Variants in PCDH15 observed in about 807,000 individuals in gnomAD.
PCDH15 encodes the protein protocadherin-15.
Under a neutral mutation model 178.5 loss-of-function variants are expected in PCDH15, and 129 were observed. The ratio of observed to expected loss-of-function variants is 0.72; its 90% CI spans 0.63 to 0.84. The LOEUF (loss-of-function observed/expected upper bound fraction) is 0.84, where lower values mean the gene tolerates loss of function less well. Ranked by LOEUF, PCDH15 falls within the 40% of genes least tolerant of loss-of-function variation. PCDH15 has a pLI of 0.00. For synonymous variants in PCDH15, 800 were observed against 732.0 expected (o/e 1.09, Z -1.50); for missense variants, 2,230 against 2,099.9 (o/e 1.06, Z -1.21).
intron 3 of PCDH15, among the ~76,000 whole-genome samples, chr10:54,880,069 T>G (rs1008372614): frequency 6.6e-6 from 1 of 152,152 alleles, no homozygotes; most frequent in Non-Finnish European, 1.5e-5. Flanking sequence ...ATTAAAATCC[T>G]GATTCAATAT....
At chr10:54,475,202 A>G (rs539073320) in intron 3 of PCDH15, among the ~76,000 whole-genome samples, 1 of 152,088 alleles carries the variant, frequency 6.6e-6, no homozygotes, top group East Asian at 1.9e-4. Flanking sequence ...TATTGATTTG[A>G]CTTATTTAAC....
chr10:55,015,621 A>G (rs1840155667), intron 2 of PCDH15, among the ~76,000 whole-genome samples: 1 of 152,128 alleles, frequency 6.6e-6, no homozygotes, highest in Non-Finnish European at 1.5e-5. Context: ...GGAAAACAGA[A>G]AATCCACTAA....
chr10:54,894,739 T>C (rs1370310861), intron 3 of PCDH15, among the ~76,000 whole-genome samples: 2 of 151,182 alleles, frequency 1.3e-5, no homozygotes, highest in African/African-American at 4.9e-5. Flanking sequence ...TTATAGAGCA[T>C]TACAAAAATA....
intron 2 of PCDH15, among the ~76,000 whole-genome samples, chr10:55,605,673 A>C (rs2132151991): frequency 1.5e-5 from 2 of 136,284 alleles, no homozygotes; most frequent in Non-Finnish European, 3.1e-5. Context: ...AGATGCAGAA[A>C]AGGCCTTTGA....
At position 54,256,389 on chromosome 10, in the gene PCDH15, T is replaced by C. The variant is rs1397254911; in HGVS notation, c.877-19458A>G. On this transcript the variant is annotated intron_variant, in intron 8 of 37. Coordinates refer to ENST00000644397, the MANE Select transcript of PCDH15 (RefSeq NM_001384140.1). ...AAATATTTGAGATAGGTTGTCCTAA[T>C]TAATTAACCAACAAACACTTATTGA... 3.9e-5 allele frequency among the ~76,000 whole-genome samples: 6 copies of C among 152,362 alleles called. No homozygotes were observed. The South Asian group carries it at 1.0e-3, about 26-fold the overall frequency.
At chr10:54,583,983 C>T (rs554260606) in intron 2 of PCDH15, among the ~76,000 whole-genome samples, 3 of 152,126 alleles carry the variant, frequency 2.0e-5, no homozygotes, top group Admixed American at 2.0e-4. Flanking sequence ...ACCATGTTTT[C>T]TTTTATTTAG....
intron 2 of PCDH15, among the ~76,000 whole-genome samples, chr10:54,613,443 C>T (rs1004494895): frequency 6.6e-6 from 1 of 151,700 alleles, no homozygotes. Context: ...TGTTCCATCA[C>T]AATTTCAAGA....
At chr10:54,244,987 C>A (rs1258609152) in intron 8 of PCDH15, among the ~76,000 whole-genome samples, 1 of 152,146 alleles carries the variant, frequency 6.6e-6, no homozygotes, top group South Asian at 2.1e-4. Context: ...CTCATCAGGT[C>A]AGGAGACGAC....
chr10:55,593,691 A>C (rs1476344804), intron 2 of PCDH15, among the ~76,000 whole-genome samples: 1 of 151,872 alleles, frequency 6.6e-6, no homozygotes, highest in Non-Finnish European at 1.5e-5. Context: ...TCAACCATTG[A>C]AAGAGCCATT....
intron 6 of PCDH15, among the ~76,000 whole-genome samples, chr10:54,341,403 A>T (rs985305539): frequency 2.0e-5 from 3 of 152,028 alleles, no homozygotes; most frequent in Non-Finnish European, 4.4e-5. Context: ...AAGATACACC[A>T]TGCTTCTCCT....
chr10:54,972,614 C>T (rs1255003930), intron 2 of PCDH15, among the ~76,000 whole-genome samples: 1 of 151,738 alleles, frequency 6.6e-6, no homozygotes, highest in African/African-American at 2.4e-5. Flanking sequence ...TTTTGGGAGG[C>T]CAAGGCAGGC....
intron 1 of PCDH15, among the ~76,000 whole-genome samples, chr10:54,711,231 C>A (rs181207819): frequency 6.6e-6 from 1 of 151,906 alleles, no homozygotes. Context: ...TATCATTTAA[C>A]GTTTCAAACA....
intron 25 of PCDH15, among the ~76,000 whole-genome samples, chr10:53,930,300 T>TA (rs1554865792): frequency 6.7e-6 from 1 of 150,248 alleles, no homozygotes; most frequent in African/African-American, 2.4e-5. Context: ...CTACTACAAA[T>TA]AAAAAAAATT....
intron 8 of PCDH15, among the ~76,000 whole-genome samples, chr10:54,239,019 G>T (rs1208788401): frequency 2.6e-5 from 4 of 151,878 alleles, no homozygotes; most frequent in African/African-American, 4.8e-5. Context: ...GCATCTCATA[G>T]TCAGAAAAAT....
intron 2 of PCDH15, among the ~76,000 whole-genome samples, chr10:54,584,414 G>A (rs965218182): frequency 1.3e-5 from 2 of 151,888 alleles, no homozygotes; most frequent in African/African-American, 4.8e-5. Context: ...TAAAGGAACT[G>A]TATTTGCTTC....
intron 34 of PCDH15, among the ~76,000 whole-genome samples, chr10:53,817,024 A>G (rs1039307678): frequency 5.3e-5 from 8 of 152,188 alleles, no homozygotes; most frequent in African/African-American, 1.9e-4. Context: ...TGGAGGGAAA[A>G]CAGCATATTA....
In PCDH15 at chr10:55,172,789, A is replaced by C. The variant is rs74136379; in HGVS notation, c.-155-6138T>G. On this transcript the variant is annotated intron_variant, in intron 1 of 5. Coordinates refer to the PCDH15 transcript ENST00000458638. ...AGGAGAGATGGGGCCTATGTATGTTAAAACAAGGACAAAATTTAAATATAT... is the reference window on the plus strand; with the variant it reads ...AGGAGAGATGGGGCCTATGTATGTTCAAACAAGGACAAAATTTAAATATAT... Among the ~76,000 whole-genome samples, 893 of 152,172 alleles carry C rather than the reference A, an allele frequency of 5.9e-3. 9 individuals are homozygous for C. Among genetic ancestry groups the C allele is most frequent in the African/African-American group, 0.021 (871 of 41,564 alleles).
intron 2 of PCDH15, among the ~76,000 whole-genome samples, chr10:55,555,234 A>T (rs1303801781): frequency 6.6e-6 from 1 of 152,112 alleles, no homozygotes; most frequent in Admixed American, 6.6e-5. Flanking sequence ...TGATTAAAAA[A>T]GATAGATCAG....
intron 2 of PCDH15, among the ~76,000 whole-genome samples, chr10:54,939,353 G>A (rs1837996602): frequency 6.6e-6 from 1 of 151,658 alleles, no homozygotes; most frequent in Non-Finnish European, 1.5e-5. Flanking sequence ...AAATTAGCCG[G>A]GCGTGGTGGC....
Sources: allele counts gnomAD v4.1 joint callset (sites outside exome capture counted in the v4.1 genomes callset), GRCh38; gene constraint gnomAD v4.1.1; transcripts MANE v1.5; gene names NCBI Gene and HGNC (gene_info 2026-07-23, HGNC 2026-07-21).